P2RX5: variants seen among roughly 807,000 people sequenced by gnomAD.
P2RX5 encodes P2X purinoceptor 5.
Under a neutral mutation model 54.1 loss-of-function variants are expected in P2RX5, and 46 were observed. That is an observed-to-expected ratio of 0.85 (90% confidence interval 0.67 to 1.09). The LOEUF is 1.09. P2RX5 is among the 50% of genes least tolerant of loss of function. The pLI is 0.00. For missense variants in P2RX5, 566 were observed against 549.8 expected (o/e 1.03, Z -0.29); for synonymous variants, 226 against 226.4 (o/e 1.00, Z 0.02).
the P2RX5 span, among the ~76,000 whole-genome samples, chr17:3,719,366 T>A: frequency 6.6e-6 from 1 of 152,182 alleles, no homozygotes; most frequent in Admixed American, 6.5e-5. Flanking sequence ...ACAGAGGACC[T>A]TATATTTAGC....
At chr17:3,716,998 C>T in the P2RX5 span, 1 of 509,142 alleles carries the variant, frequency 2.0e-6, no homozygotes, top group South Asian at 2.3e-5. Context: ...CACCCAAATA[C>T]TTCGTAAGAA....
upstream of P2RX5, among the ~76,000 whole-genome samples, chr17:3,699,942 GAA>G (rs1214353019): frequency 7.9e-6 from 1 of 126,884 alleles, no homozygotes. Flanking sequence ...AAGAAAGAAA[GAA>G]AGAAAGAAAG....
At chr17:3,689,830 TCA>T (rs747995764) in intron 6 of P2RX5, among the ~76,000 whole-genome samples, 200 bp from the exon 7 acceptor site, 19 of 151,946 alleles carry the variant, frequency 1.3e-4, no homozygotes, top group Admixed American at 1.2e-3. Flanking sequence ...CATGCAGACA[TCA>T]CACACACACG....
the P2RX5 span, chr17:3,715,061 A>T: frequency 1.6e-6 from 1 of 626,364 alleles, no homozygotes; most frequent in Non-Finnish European, 2.8e-6. Flanking sequence ...CATACTTACT[A>T]CTCCCTTCTC....
chr17:3,684,255 T>C (rs1407392969), intron 9 of P2RX5, among the ~76,000 whole-genome samples: 1 of 152,234 alleles, frequency 6.6e-6, no homozygotes, highest in East Asian at 1.9e-4. Flanking sequence ...CCATCACAAC[T>C]GCAGGGGAGG....
rs1424398621 is a variant in P2RX5, at chr17:3,690,761, GTTC to G, written c.361-84_361-82del. The G allele has an allele frequency of 2.8e-6, 4 of 1,424,412 alleles. No homozygotes were observed. The African/African-American group carries it at 4.2e-5, about 15-fold the overall frequency. The allele number at this position is 1,424,412 out of a possible 1,614,324, so 88.2% of individuals were successfully genotyped here. A position where few individuals can be genotyped will look rare whatever the true frequency, so the allele number is the denominator to read the frequency against. The stretch of plus-strand genomic sequence containing the variant: ...TCCCACTCCAGGAGATAGAATAGGG[GTTC>G]TTCTTCGGCCTGGCCCACACACACT... On this transcript the variant is annotated intron_variant, in intron 3 of 11. Transcript: ENST00000225328.
At position 3,681,885 on chromosome 17, in the gene P2RX5, G is replaced by A. The variant is rs753225289; in HGVS notation, c.1064+11C>T. On this transcript the variant is annotated intron_variant, in intron 10 of 11. Transcript: ENST00000225328. Reference sequence around the variant, plus strand: ...CTGCCCTCGGGCCGCCGGCCTGGAAGCGGAACTGACCTCACTTCCTCGTAC... The same window carrying A: ...CTGCCCTCGGGCCGCCGGCCTGGAAACGGAACTGACCTCACTTCCTCGTAC... 4 of 1,601,650 alleles carry A rather than the reference G, an allele frequency of 2.5e-6. No individual in the cohort carries two copies. The African/African-American group carries it at 5.3e-5, about 21-fold the overall frequency.
At chr17:3,719,145 A>G in the P2RX5 span, among the ~76,000 whole-genome samples, 6 of 151,506 alleles carry the variant, frequency 4.0e-5, no homozygotes, top group East Asian at 1.2e-3. Context: ...CTGAGGAAGA[A>G]GAATCACTTG....
chr17:3,716,918 C>T, the P2RX5 span: 3 of 622,004 alleles, frequency 4.8e-6, no homozygotes, highest in Admixed American at 2.9e-5. Context: ...TTGATCAAAG[C>T]TGATGACAGT....
chr17:3,689,897 C>T (rs553747280), intron 6 of P2RX5, among the ~76,000 whole-genome samples, 173 bp downstream of exon 6: 8 of 152,150 alleles, frequency 5.3e-5, no homozygotes, highest in South Asian at 4.2e-4. Context: ...CACAAACGCA[C>T]GCACACATGC....
At chr17:3,720,538 A>G in the P2RX5 span, 3 of 531,522 alleles carry the variant, frequency 5.6e-6, no homozygotes, top group South Asian at 7.4e-5. Context: ...ACACAACACT[A>G]CATAAAGTTA....
the P2RX5 span, chr17:3,723,274 T>A: frequency 6.4e-7 from 1 of 1,557,266 alleles, no homozygotes; most frequent in Non-Finnish European, 8.9e-7. Flanking sequence ...CTGGAGCATT[T>A]CAGTCTCAAA....
At chr17:3,705,875 A>C in the P2RX5 span, among the ~76,000 whole-genome samples, 1 of 151,500 alleles carries the variant, frequency 6.6e-6, no homozygotes, top group Non-Finnish European at 1.5e-5. Flanking sequence ...GGCTCACTGC[A>C]GCCTTGACCT....
chr17:3,690,052 G>A lies in P2RX5; in HGVS notation c.614+18C>T. The A allele has an allele frequency of 6.2e-7, 1 of 1,611,082 alleles. No individual in the cohort carries two copies. The highest frequency in any genetic ancestry group is 8.5e-7 in the Non-Finnish European group (1 of 1,177,250). ...GACCAAGGCCCACCCGTGGCCCCCA[G>A]TAGCCAAGCCCACGTACTTGGAGAA... is the stretch of plus-strand genomic sequence containing the variant. On this transcript the variant is annotated intron_variant, in intron 6 of 11. Transcript: ENST00000225328.
At chr17:3,676,860 G>C (rs1210847288) in intron 11 of P2RX5, among the ~76,000 whole-genome samples, 3 of 152,182 alleles carry the variant, frequency 2.0e-5, no homozygotes, top group Non-Finnish European at 2.9e-5. Flanking sequence ...TCAGGAGTTG[G>C]AGACCAGCCT....
rs927555967 is a variant in P2RX5, at chr17:3,694,778, C to G, written c.137+1091G>C. ...AGTTAAGTGCTGCTGGGGCCCCACCCTCAGGGCATTCCCGGACTGACAGCG... is the reference window on the plus strand; with the variant it reads ...AGTTAAGTGCTGCTGGGGCCCCACCGTCAGGGCATTCCCGGACTGACAGCG... On this transcript the variant is annotated intron_variant, in intron 1 of 11. Coordinates refer to ENST00000225328, the MANE Select transcript of P2RX5 (RefSeq NM_002561.4). Among the ~76,000 whole-genome samples, 5 of 152,250 alleles carry G rather than the reference C, an allele frequency of 3.3e-5. No individual in the cohort carries two copies. In the East Asian group the frequency reaches 9.6e-4, roughly 29 times the overall value.
At chr17:3,713,802 G>A in the P2RX5 span, among the ~76,000 whole-genome samples, 9 of 151,920 alleles carry the variant, frequency 5.9e-5, no homozygotes, top group East Asian at 3.8e-4. Flanking sequence ...CGCAGCAAGC[G>A]GAGTAGAAAG....
chr17:3,723,150 G>GTC, the P2RX5 span: 2 of 642,884 alleles, frequency 3.1e-6, no homozygotes, highest in East Asian at 2.8e-5. Context: ...GAACGGGTTG[G>GTC]GACAGAGGGT....
the P2RX5 span, chr17:3,715,003 C>A: frequency 7.9e-6 from 8 of 1,018,966 alleles, no homozygotes; most frequent in Admixed American, 1.5e-4. Context: ...TTTCAGAAAA[C>A]CGGCATTCTG....
Sources: allele counts gnomAD v4.1 joint callset (sites outside exome capture counted in the v4.1 genomes callset), GRCh38; gene constraint gnomAD v4.1.1; transcripts MANE v1.5; gene names NCBI Gene and HGNC (gene_info 2026-07-23, HGNC 2026-07-21).